Variants in DNAH17 observed in about 807,000 individuals in gnomAD.
The protein encoded by DNAH17 is dynein axonemal heavy chain 17.
A neutral mutation model predicts 485.6 loss-of-function variants in DNAH17; 376 were observed. The observed-to-expected ratio is 0.77, with a 90% CI of 0.71 to 0.84. The LOEUF (loss-of-function observed/expected upper bound fraction) is 0.84. DNAH17 is among the 40% of genes least tolerant of loss of function. The pLI, the probability that DNAH17 is intolerant of heterozygous loss-of-function variation, is 0.00. For synonymous variants in DNAH17, 3,031 were observed against 2,405.9 expected (o/e 1.26, Z -7.60); for missense variants, 6,370 against 5,839.3 (o/e 1.09, Z -2.96).
chr17:78,475,473 C>T lies in DNAH17; in HGVS notation c.8320-4G>A. 2 of 1,613,730 alleles carry T rather than the reference C, an allele frequency of 1.2e-6. No homozygotes were observed. The highest frequency in any genetic ancestry group is 8.5e-7 in the Non-Finnish European group (1 of 1,179,874). On this transcript the variant is annotated splice_region_variant and splice_polypyrimidine_tract_variant and intron_variant, in intron 53 of 80. Transcript: ENST00000389840. Reference sequence around the variant, plus strand: ...CCACGGCGTCCTCAAACAGCACCTGCAGAAACCGGAGAGATCCCACAACAT... The same window carrying T: ...CCACGGCGTCCTCAAACAGCACCTGTAGAAACCGGAGAGATCCCACAACAT...
At chr17:78,520,894 A>G (rs2090917349) in intron 25 of DNAH17, among the ~76,000 whole-genome samples, 1 of 152,212 alleles carries the variant, frequency 6.6e-6, no homozygotes, top group African/African-American at 2.4e-5. Context: ...ATTTATATGG[A>G]AAAGTACAAG....
intron 44 of DNAH17, among the ~76,000 whole-genome samples, chr17:78,487,993 G>C (rs1327496283): frequency 6.6e-6 from 1 of 152,194 alleles, no homozygotes; most frequent in African/African-American, 2.4e-5. Context: ...GTGTCTCCAT[G>C]CCTGTCGCAA....
rs1312931169 is a variant in DNAH17 at position 78,485,661 on chromosome 17, C to T, written c.7372G>A (p.Gly2458Arg). 1.2e-6 allele frequency: 2 copies of T among 1,613,986 alleles called. No individual in the cohort carries two copies. The highest frequency in any genetic ancestry group is 1.7e-6 in the Non-Finnish European group (2 of 1,179,886). ...CCCATCAGCACCGACTTGCCCGTCC[C>T]CGCGTTCCCCACCAGCATCACCGGC... ...SWPVMLVGNA[G>R]TGKSVLMGDK... The change falls in exon 47 of 81, where the codon GGG becomes AGG. Residue 2458 changes from glycine (G) to arginine (R), a missense_variant. By Grantham distance (125) the Gly-to-Arg change is moderately radical. Transcript: ENST00000389840.
chr17:78,462,530 A>T (rs2088186785), intron 57 of DNAH17, among the ~76,000 whole-genome samples: 2 of 152,162 alleles, frequency 1.3e-5, no homozygotes, highest in East Asian at 1.9e-4. Flanking sequence ...ACGAATGAAC[A>T]AATGCATTTG....
rs752134298 is a variant in DNAH17 at position 78,427,088 on chromosome 17, G to T, written c.12609C>A (p.Asp4203Glu). 7.0e-6 allele frequency: 11 copies of T among 1,581,226 alleles called. No individual in the cohort carries two copies. In the South Asian group the frequency reaches 1.3e-4, roughly 18 times the overall value. Reference protein sequence around the residue: ...REEKVKAVLDDILEKIPETFN... With the variant: ...REEKVKAVLDEILEKIPETFN... ...AAGTCTCCGGAATCTTCTCCAGGAT[G>T]TCGTCCAGCACGGCCTTCACCTGGA... Residue 4203 changes from aspartate to glutamate, a missense_variant, in exon 78 of 81, where the codon GAC becomes GAA. Transcript: ENST00000389840.
chr17:78,551,890 G>A (rs1456693278), intron 15 of DNAH17, among the ~76,000 whole-genome samples: 1 of 151,740 alleles, frequency 6.6e-6, no homozygotes, highest in East Asian at 1.9e-4. Context: ...TTGAACCCGG[G>A]AGGCAGAGGT....
At chr17:78,520,570 CCAAA>C (rs1271173882) in intron 25 of DNAH17, among the ~76,000 whole-genome samples, 3 of 152,038 alleles carry the variant, frequency 2.0e-5, no homozygotes, top group African/African-American at 7.2e-5. Context: ...TTGTATATAC[CCAAA>C]CAAACATGTG....
At chr17:78,457,471 T>A (rs959964854) in intron 62 of DNAH17, among the ~76,000 whole-genome samples, 3 of 152,138 alleles carry the variant, frequency 2.0e-5, no homozygotes, top group African/African-American at 7.2e-5. Flanking sequence ...ATTGATAATT[T>A]TTATATTAGT....
chr17:78,496,656 C>A (rs2090082049), intron 37 of DNAH17: 1 of 142,148 alleles, frequency 7.0e-6, no homozygotes, highest in Non-Finnish European at 1.5e-5. Context: ...ACACGATCTT[C>A]CCAGATGGAC....
At chr17:78,456,387 G>T (rs756891245) in intron 62 of DNAH17, among the ~76,000 whole-genome samples, 3 of 152,186 alleles carry the variant, frequency 2.0e-5, no homozygotes, top group Non-Finnish European at 2.9e-5. Context: ...CAAGTCACCC[G>T]CATTGACACC....
intron 66 of DNAH17, 39 bp downstream of exon 66, chr17:78,451,430 C>G: frequency 6.4e-7 from 1 of 1,566,976 alleles, no homozygotes; most frequent in Non-Finnish European, 8.7e-7. Flanking sequence ...CTGTGTGGGA[C>G]GGCACCTCCT....
At chr17:78,432,754 G>A (rs532853846) in intron 75 of DNAH17, among the ~76,000 whole-genome samples, 3 of 152,182 alleles carry the variant, frequency 2.0e-5, no homozygotes, top group Admixed American at 2.0e-4. Flanking sequence ...GAAAAAAGGA[G>A]GGGGTTCCTG....
At chr17:78,566,788 C>A (rs545108244) in intron 10 of DNAH17, 58 bp from the exon 11 acceptor site, 4 of 1,411,894 alleles carry the variant, frequency 2.8e-6, no homozygotes, top group Non-Finnish European at 3.9e-6. Context: ...GCCAAGGGCA[C>A]CCTCTCCAGC....
rs567766881 is a variant in DNAH17 at position 78,463,146 on chromosome 17, G to C, written c.8941-69C>G. On this transcript the variant is annotated intron_variant, in intron 56 of 80. Transcript: ENST00000389840. ...CAAATCAGCAAAGTGGGGCTCCCCA[G>C]ACTCACCAGGGGCCCTGGACAAGGT... 2.1e-6 allele frequency: 3 copies of C among 1,438,342 alleles called. No homozygotes were observed. The Admixed American group carries it at 5.6e-5, about 27-fold the overall frequency. 89.1% of individuals were successfully genotyped at this position (1,438,342 alleles called of 1,614,324 possible).
At chr17:78,499,404 C>G (rs17655474) in intron 36 of DNAH17, 29,723 of 240,044 alleles carry the variant, frequency 0.12, 2,086 homozygotes, top group South Asian at 0.16. Context: ...CATTTAAGTT[C>G]TAAACCTTGC....
chr17:78,482,851 G>A (rs2089411221), intron 48 of DNAH17, among the ~76,000 whole-genome samples: 1 of 152,114 alleles, frequency 6.6e-6, no homozygotes, highest in East Asian at 1.9e-4. Context: ...GATCCTTCAG[G>A]GTAAACTCCA....
chr17:78,493,806 A>T (rs550425474), intron 41 of DNAH17, among the ~76,000 whole-genome samples: 2 of 152,328 alleles, frequency 1.3e-5, no homozygotes, highest in South Asian at 4.1e-4. Flanking sequence ...ACAAGGAGGA[A>T]CAGGGAGGGA....
rs1476001222 is a variant in DNAH17, at chr17:78,574,895, TCAGCAC to T, written c.157_162del (p.Val53_Leu54del). ...ATGATCATGCCGGCTGCATTGAGCG[TCAGCAC>T]CAGCACCTGGACGTCGGGCTTTTCA... On this transcript the variant is annotated inframe_deletion, in exon 2 of 81. Coordinates refer to ENST00000389840, the MANE Select transcript of DNAH17 (RefSeq NM_173628.4). 33 of 1,613,902 alleles carry T rather than the reference TCAGCAC, an allele frequency of 2.0e-5. No individual in the cohort carries two copies. The highest frequency in any genetic ancestry group is 2.8e-5 in the Non-Finnish European group (33 of 1,179,904).
Position 78,500,528 on chromosome 17 carries a change from A to G in DNAH17, c.5484-67T>C, listed in dbSNP as rs565137736. 3.5e-6 allele frequency: 5 copies of G among 1,448,194 alleles called. No homozygotes were observed. The South Asian group carries it at 7.3e-5, about 21-fold the overall frequency. The allele number at this position is 1,448,194 out of a possible 1,614,324, so 89.7% of individuals were successfully genotyped here. On this transcript the variant is annotated intron_variant, in intron 35 of 80. Transcript: ENST00000389840. The stretch of plus-strand genomic sequence containing the variant: ...TGGCCTCCCTGCTTTTATTTTTTTG[A>G]GACAGAGTCTCACTCTGTCACCCAG...
Sources: gnomAD v4.1 joint callset for allele counts (sites outside exome capture counted in the v4.1 genomes callset) on GRCh38, gnomAD v4.1.1 for gene constraint, MANE v1.5 for transcripts, NCBI Gene and HGNC (gene_info 2026-07-23, HGNC 2026-07-21) for gene names.